Variants in FOXP1 observed in about 807,000 individuals in gnomAD.
The protein encoded by FOXP1 is forkhead box P1.
A neutral mutation model predicts 98.2 loss-of-function variants in FOXP1; 15 were observed. That is an observed-to-expected ratio of 0.15 (90% confidence interval 0.10 to 0.24). FOXP1 has a LOEUF of 0.24. FOXP1 is among the 10% of genes least tolerant of loss of function. The probability of loss-of-function intolerance (pLI) is 1.00; values close to 1 mark genes in which losing one functional copy is unlikely to be tolerated. For synonymous variants in FOXP1, 371 were observed against 314.5 expected, an observed-to-expected ratio of 1.18 and a Z score of -1.90; for missense variants, 633 against 848.5, an observed-to-expected ratio of 0.75 and a Z score of 3.15.
chr3:71,364,394 T>G (rs2078772049), intron 3 of FOXP1, among the ~76,000 whole-genome samples: 1 of 152,224 alleles, frequency 6.6e-6, no homozygotes, highest in African/African-American at 2.4e-5. Context: ...TACTTAACCT[T>G]CACGTAGCCC....
At chr3:71,201,038 C>T (rs138011544) in intron 5 of FOXP1, among the ~76,000 whole-genome samples, 2 of 152,142 alleles carry the variant, frequency 1.3e-5, no homozygotes, top group African/African-American at 2.4e-5. Flanking sequence ...GGGAAACAAA[C>T]TCAGAAGTAA....
chr3:71,462,455 A>G (rs1025768080), intron 3 of FOXP1, among the ~76,000 whole-genome samples: 2 of 152,114 alleles, frequency 1.3e-5, no homozygotes, highest in African/African-American at 4.8e-5. Context: ...TCAGAGGTAC[A>G]CTCAGCCTCA....
At chr3:71,430,516 A>G (rs2084611844) in intron 3 of FOXP1, among the ~76,000 whole-genome samples, 2 of 152,120 alleles carry the variant, frequency 1.3e-5, no homozygotes, top group South Asian at 2.1e-4. Flanking sequence ...AAGAAAGAAA[A>G]AAAAAAAACA....
chr3:71,154,021 G>A (rs1431958359), intron 6 of FOXP1, among the ~76,000 whole-genome samples: 5 of 151,864 alleles, frequency 3.3e-5, no homozygotes, highest in African/African-American at 1.2e-4. Flanking sequence ...TCTAGATATT[G>A]TGTAATCTAT....
chr3:71,583,784 T>G, upstream of FOXP1: 1 of 986,416 alleles, frequency 1.0e-6, no homozygotes, highest in Non-Finnish European at 1.2e-6. Context: ...CGGACTAGCT[T>G]CCCGGAGCCC....
In FOXP1 at chr3:71,001,032, G is replaced by A. The variant is rs753287793; in HGVS notation, c.1002C>T (p.Asp334=). Residue 334 remains aspartate (D), a synonymous_variant, in exon 13 of 21, where the codon GAC becomes GAT. Coordinates refer to ENST00000649528, the MANE Select transcript of FOXP1 (RefSeq NM_001349338.3). Reference sequence around the variant, plus strand: ...CTCTACATTGGGCTGTACTTCTATCGTCCAGCGCATGCTCACTGTTGAGAT... The same window carrying A: ...CTCTACATTGGGCTGTACTTCTATCATCCAGCGCATGCTCACTGTTGAGAT... ...LKHLNSEHAL[D]DRSTAQCRVQ... 15 of 1,613,192 alleles carry A rather than the reference G, an allele frequency of 9.3e-6. No individual in the cohort carries two copies. Among genetic ancestry groups the A allele is most frequent in the South Asian group, 8.8e-5 (8 of 91,070 alleles).
intron 7 of FOXP1, among the ~76,000 whole-genome samples, chr3:71,108,775 A>G (rs561467602): frequency 2.6e-5 from 4 of 152,278 alleles, no homozygotes; most frequent in South Asian, 2.1e-4. Flanking sequence ...AAAAAAAAAG[A>G]GCCTACTATT....
chr3:70,966,190 G>A (rs1575699483), intron 19 of FOXP1, 134 bp from the exon 20 acceptor site: 1 of 863,918 alleles, frequency 1.2e-6, no homozygotes, highest in East Asian at 2.7e-5. Context: ...TTTCTAAGAG[G>A]TGTTGAAAGA....
intron 3 of FOXP1, among the ~76,000 whole-genome samples, chr3:71,427,693 G>A (rs1184526349): frequency 6.6e-6 from 1 of 152,206 alleles, no homozygotes; most frequent in Admixed American, 6.5e-5. Flanking sequence ...TGATACAAGC[G>A]ATGGACGGAA....
Position 71,262,264 on chromosome 3 carries a change from C to CAAAAAAAAAAAAAAAAAAA in FOXP1, c.-12+37537_-12+37555dup, listed in dbSNP as rs71104433. 7.8e-5 allele frequency among the ~76,000 whole-genome samples: 2 copies of CAAAAAAAAAAAAAAAAAAA among 25,698 alleles called. 1 individual carries two copies. Among genetic ancestry groups the CAAAAAAAAAAAAAAAAAAA allele is most frequent in the African/African-American group, 2.7e-4 (2 of 7,408 alleles). 16.9% of individuals were successfully genotyped at this position (25,698 alleles called of 152,430 possible). On this transcript the variant is annotated intron_variant, in intron 5 of 20. Coordinates refer to ENST00000649528, the MANE Select transcript of FOXP1 (RefSeq NM_001349338.3). ...CTGGCAACAGGACAAGACTCTGTCA[C>CAAAAAAAAAAAAAAAAAAA]AAAAAAAAAAAAAAAAAAAAAAAAA... is the stretch of plus-strand genomic sequence containing the variant.
intron 7 of FOXP1, among the ~76,000 whole-genome samples, chr3:71,061,414 C>T (rs188798029): frequency 6.6e-6 from 1 of 152,088 alleles, no homozygotes; most frequent in Non-Finnish European, 1.5e-5. Context: ...GCATTCTCAA[C>T]TTTTTTATGT....
At chr3:71,181,000 C>T (rs896399755) in intron 6 of FOXP1, among the ~76,000 whole-genome samples, 3 of 152,138 alleles carry the variant, frequency 2.0e-5, no homozygotes, top group Non-Finnish European at 2.9e-5. Context: ...CCCACAAGAA[C>T]CGGTTCCCTG....
At chr3:71,088,611 T>C (rs1026011687) in intron 7 of FOXP1, among the ~76,000 whole-genome samples, 3 of 152,208 alleles carry the variant, frequency 2.0e-5, no homozygotes, top group African/African-American at 7.2e-5. Flanking sequence ...AACTTTCACC[T>C]GTCTAGCTAA....
chr3:71,052,428 T>C (rs888406098), intron 9 of FOXP1, 109 bp downstream of exon 9: 9 of 782,048 alleles, frequency 1.2e-5, no homozygotes, highest in Admixed American at 7.3e-5. Context: ...TGAGAACCGA[T>C]AGAGTCAGCT....
intron 6 of FOXP1, among the ~76,000 whole-genome samples, chr3:71,148,902 T>A (rs2060444390): frequency 6.6e-6 from 1 of 152,218 alleles, no homozygotes; most frequent in Admixed American, 6.5e-5. Flanking sequence ...GGAGTAAAGA[T>A]AAATTGCTAC....
chr3:71,086,620 T>A (rs1404801100), intron 7 of FOXP1, among the ~76,000 whole-genome samples: 1 of 152,146 alleles, frequency 6.6e-6, no homozygotes, highest in Non-Finnish European at 1.5e-5. Context: ...CCCAAGTCTG[T>A]CAATGAGAGG....
At position 71,305,405 on chromosome 3, in the gene FOXP1, T is replaced by C. The variant is rs1052472331; in HGVS notation, c.-72-5525A>G. On this transcript the variant is annotated intron_variant, in intron 4 of 20. Coordinates refer to ENST00000649528, the MANE Select transcript of FOXP1 (RefSeq NM_001349338.3). ...ATCATGGCCAACATCTCTAGTGTGC[T>C]ATTAATATCAATGAAGAGACGATTC... Among the ~76,000 whole-genome samples the C allele has an allele frequency of 3.3e-5, 5 of 152,196 alleles. No individual in the cohort carries two copies. In the South Asian group the frequency reaches 1.0e-3, roughly 31 times the overall value.
In FOXP1 at chr3:71,009,227, C is replaced by A. The variant is rs113998851; in HGVS notation, c.974+6322G>T. Among the ~76,000 whole-genome samples, 436 of 136,998 alleles carry A rather than the reference C, an allele frequency of 3.2e-3. 4 individuals carry two copies. Among genetic ancestry groups the A allele is most frequent in the African/African-American group, 0.011 (423 of 36,910 alleles). 89.9% of individuals were successfully genotyped at this position (136,998 alleles called of 152,430 possible). On this transcript the variant is annotated intron_variant, in intron 12 of 20. Transcript: ENST00000649528. ...TGACTAACTTGAGGGTTCTGTGAAT[C>A]CAAGCTAACATAACCCTGGATAGCT...
chr3:71,488,069 C>A (rs1457899259), intron 3 of FOXP1, among the ~76,000 whole-genome samples: 2 of 152,064 alleles, frequency 1.3e-5, no homozygotes, highest in Non-Finnish European at 2.9e-5. Context: ...CCCTTTGACT[C>A]TACCTCCTTA....
Sources: gnomAD v4.1 joint callset for allele counts (sites outside exome capture counted in the v4.1 genomes callset) on GRCh38, gnomAD v4.1.1 for gene constraint, MANE v1.5 for transcripts, NCBI Gene and HGNC (gene_info 2026-07-23, HGNC 2026-07-21) for gene names.